The following TMC7 variants were observed in gnomAD, a reference collection of about 807,000 sequenced individuals.
The protein encoded by TMC7 is transmembrane channel like 7.
In TMC7, 54 loss-of-function variants were observed where a neutral mutation model predicts 82.9. The observed-to-expected ratio is 0.65, with a 90% CI of 0.52 to 0.82. The LOEUF is 0.82. Ranked by LOEUF, TMC7 falls within the 40% of genes least tolerant of loss-of-function variation. The probability of loss-of-function intolerance (pLI) is 0.00; values close to 1 mark genes in which losing one functional copy is unlikely to be tolerated. For missense variants in TMC7, 820 were observed against 901.2 expected (o/e 0.91, Z 1.15); for synonymous variants, 350 against 337.9 (o/e 1.04, Z -0.39).
chr16:19,040,030 C>G (rs1480881000), intron 8 of TMC7, among the ~76,000 whole-genome samples: 1 of 144,106 alleles, frequency 6.9e-6, no homozygotes, highest in East Asian at 2.1e-4. Flanking sequence ...GCAGGAGAAT[C>G]GCATGAACCT....
rs1440222686 is a variant in TMC7, at chr16:19,016,544, C to T, written c.406C>T (p.Arg136Ter). 6.2e-6 allele frequency: 10 copies of T among 1,614,064 alleles called. No homozygotes were observed. In the South Asian group the frequency reaches 7.7e-5, roughly 12 times the overall value. ...KSWKRFLEKA[R>*]EMTTHLELWR... ...TTGGAAGAGGTTCCTAGAGAAGGCT[C>T]GAGAGATGACGACCCACCTGGAGCT... The change falls in exon 3 of 16, where the codon CGA (arginine) becomes TGA (stop). Residue 136 changes from arginine (R) to a stop codon, truncating the protein, a stop_gained. Transcript: ENST00000304381. LOFTEE classifies it high-confidence loss of function.
At chr16:19,033,037 G>A (rs1213771104) in intron 6 of TMC7, among the ~76,000 whole-genome samples, 1 of 152,180 alleles carries the variant, frequency 6.6e-6, no homozygotes, top group Non-Finnish European at 1.5e-5. Flanking sequence ...TGGGTGTGAT[G>A]TAATGGGAGA....
chr16:19,001,752 G>A (rs1165068044), intron 1 of TMC7, among the ~76,000 whole-genome samples: 2 of 152,196 alleles, frequency 1.3e-5, no homozygotes, highest in Non-Finnish European at 2.9e-5. Flanking sequence ...GTACTTAGGA[G>A]CTATGTGGTG....
At chr16:19,014,058 G>A (rs750214572) in intron 2 of TMC7, among the ~76,000 whole-genome samples, 1 of 151,484 alleles carries the variant, frequency 6.6e-6, no homozygotes, top group Non-Finnish European at 1.5e-5. Flanking sequence ...AGTAGAGATG[G>A]GGTTTCACCG....
intron 6 of TMC7, among the ~76,000 whole-genome samples, chr16:19,031,061 A>G (rs2142239340): frequency 6.6e-6 from 1 of 152,308 alleles, no homozygotes; most frequent in Admixed American, 6.5e-5. Flanking sequence ...AATTACAGGA[A>G]GGACAAAGAT....
chr16:19,034,626 A>G (rs1960663295), intron 6 of TMC7, among the ~76,000 whole-genome samples: 1 of 151,752 alleles, frequency 6.6e-6, no homozygotes, highest in African/African-American at 2.4e-5. Flanking sequence ...AAATAAATAA[A>G]TAAATAAATA....
chr16:19,045,494 CAT>C (rs1961231643), intron 11 of TMC7, 56 bp downstream of exon 11: 4 of 1,164,086 alleles, frequency 3.4e-6, no homozygotes, highest in South Asian at 1.2e-5. Flanking sequence ...CACACACACA[CAT>C]ACACACACAC....
chr16:19,035,212 G>A (rs568134319), intron 6 of TMC7, among the ~76,000 whole-genome samples: 1 of 152,274 alleles, frequency 6.6e-6, no homozygotes, highest in East Asian at 1.9e-4. Context: ...CTTATTAGTG[G>A]GAGTTAAACA....
intron 1 of TMC7, among the ~76,000 whole-genome samples, chr16:19,003,506 C>T (rs1219982622): frequency 2.0e-5 from 3 of 149,348 alleles, no homozygotes; most frequent in East Asian, 2.0e-4. Context: ...CCCCTCTGCC[C>T]GGCCACCACC....
At chr16:19,043,968 C>A (rs371801855) in intron 9 of TMC7, among the ~76,000 whole-genome samples, 32 of 151,994 alleles carry the variant, frequency 2.1e-4, no homozygotes, top group African/African-American at 7.7e-4. Flanking sequence ...GCCCCAGATT[C>A]AAGCGATTCT....
chr16:19,004,980 A>T (rs1376106802), intron 1 of TMC7, among the ~76,000 whole-genome samples: 3 of 151,974 alleles, frequency 2.0e-5, no homozygotes, highest in African/African-American at 7.2e-5. Context: ...CTGAGACCAC[A>T]CCAGCACAAT....
chr16:19,004,565 A>G (rs996258943), intron 1 of TMC7, among the ~76,000 whole-genome samples: 2 of 152,222 alleles, frequency 1.3e-5, no homozygotes, highest in East Asian at 1.9e-4. Context: ...GGGTTTCACC[A>G]TGTTGGCCAG....
In TMC7 at chr16:19,045,002, G is replaced by A. The variant is rs1961200773; in HGVS notation, c.1455+1G>A. On this transcript the variant is annotated splice_donor_variant, in intron 10 of 15. Coordinates refer to ENST00000304381, the MANE Select transcript of TMC7 (RefSeq NM_024847.4). LOFTEE classifies it high-confidence loss of function. The stretch of plus-strand genomic sequence containing the variant: ...CGGCTACAACCAGAAACTCTACCCG[G>A]TGAGTTGCGGGGCGGGGGCGTTCGG... 1.2e-6 allele frequency: 2 copies of A among 1,611,950 alleles called. No homozygotes were observed. The highest frequency in any genetic ancestry group is 8.5e-7 in the Non-Finnish European group (1 of 1,178,372).
rs187680164 is a variant in TMC7 at position 18,984,346 on chromosome 16, G to A, written c.67+216G>A. The A allele has an allele frequency of 4.0e-3, 5,203 of 1,296,816 alleles. 8 individuals carry two copies. The highest frequency in any genetic ancestry group is 4.6e-3 in the Non-Finnish European group (4,730 of 1,025,932). 80.3% of individuals were successfully genotyped at this position (1,296,816 alleles called of 1,614,324 possible). ...CATCCAATCCAGTGGAACCCAGCCG[G>A]GCCAAAAGGACACGAGAACTGCAGT... On this transcript the variant is annotated intron_variant, in intron 1 of 15. Transcript: ENST00000304381.
intron 5 of TMC7, among the ~76,000 whole-genome samples, chr16:19,023,473 G>A (rs1378534291): frequency 2.0e-5 from 3 of 152,110 alleles, no homozygotes; most frequent in Non-Finnish European, 2.9e-5. Flanking sequence ...TTGAGATGGA[G>A]TCTCGCTCCG....
At chr16:19,050,457 C>T (rs114880352) in intron 12 of TMC7, among the ~76,000 whole-genome samples, 41 of 150,146 alleles carry the variant, frequency 2.7e-4, no homozygotes, top group African/African-American at 8.8e-4. Flanking sequence ...ACCATTTTCA[C>T]AGTGCCACAT....
At chr16:19,026,591 T>C (rs1291300644) in intron 5 of TMC7, among the ~76,000 whole-genome samples, 1 of 152,196 alleles carries the variant, frequency 6.6e-6, no homozygotes, top group East Asian at 1.9e-4. Context: ...AAAAAGTTTC[T>C]TCGCACACTG....
intron 9 of TMC7, among the ~76,000 whole-genome samples, chr16:19,042,317 G>A (rs775482245): frequency 3.9e-5 from 6 of 152,034 alleles, no homozygotes; most frequent in Middle Eastern, 3.4e-3. Context: ...TGGGACTACA[G>A]GTGCACACCA....
chr16:19,005,275 G>T (rs1299595178), intron 1 of TMC7, among the ~76,000 whole-genome samples: 1 of 151,958 alleles, frequency 6.6e-6, no homozygotes, highest in Non-Finnish European at 1.5e-5. Flanking sequence ...ATTTTTAGTA[G>T]AGATGGGGTT....
Sources: gnomAD v4.1 joint callset for allele counts (sites outside exome capture counted in the v4.1 genomes callset) on GRCh38, gnomAD v4.1.1 for gene constraint, MANE v1.5 for transcripts, NCBI Gene and HGNC (gene_info 2026-07-23, HGNC 2026-07-21) for gene names.